Variants in EXOSC10 observed in about 807,000 individuals in gnomAD.
EXOSC10 encodes the protein exosome complex component 10.
Under a neutral mutation model 126.6 loss-of-function variants are expected in EXOSC10, and 94 were observed. The ratio of observed to expected loss-of-function variants is 0.74; its 90% CI spans 0.63 to 0.88. EXOSC10 has a LOEUF of 0.88. Among genes scored for constraint, EXOSC10 ranks in the 40% least tolerant of loss-of-function variants. EXOSC10 has a pLI of 0.00. For synonymous variants in EXOSC10, 395 were observed against 400.8 expected (o/e 0.99, Z 0.17); for missense variants, 1,041 against 1,100.5 (o/e 0.95, Z 0.77).
chr1:11,094,521 CCT>C (rs1308513096), intron 3 of EXOSC10, among the ~76,000 whole-genome samples: 3 of 151,828 alleles, frequency 2.0e-5, no homozygotes, highest in Non-Finnish European at 2.9e-5. Context: ...CTCCTGAACC[CCT>C]GACCTCAGGT....
chr1:11,073,333 C>T (rs1449386737), intron 19 of EXOSC10, among the ~76,000 whole-genome samples: 2 of 151,962 alleles, frequency 1.3e-5, no homozygotes, highest in East Asian at 3.9e-4. Flanking sequence ...GGGGTTTCAC[C>T]ATGTTAGCCA....
At position 11,082,739 on chromosome 1, in the gene EXOSC10, TAG is replaced by T; in HGVS notation, c.1227_1228del (p.Tyr410LeufsTer13). 6 of 1,614,196 alleles carry T rather than the reference TAG, an allele frequency of 3.7e-6. No individual in the cohort carries two copies. Among genetic ancestry groups the T allele is most frequent in the Non-Finnish European group, 5.1e-6 (6 of 1,180,036 alleles). On this transcript the variant is annotated frameshift_variant, in exon 10 of 25. Coordinates refer to ENST00000376936, the MANE Select transcript of EXOSC10 (RefSeq NM_001001998.3). LOFTEE classifies it high-confidence loss of function. ...TTGCTTGTTTGAGTCCACGTTGCAG[TAG>T]AGTTTCAGGAGATGATCGAGTGAGT...
At chr1:11,093,612 T>C (rs370498015) in intron 3 of EXOSC10, among the ~76,000 whole-genome samples, 3 of 152,254 alleles carry the variant, frequency 2.0e-5, no homozygotes, top group Non-Finnish European at 2.9e-5. Flanking sequence ...CGTTCTGCCA[T>C]AGAATTAGGC....
chr1:11,071,100 T>C, intron 20 of EXOSC10, 127 bp from the exon 21 acceptor site: 1 of 749,306 alleles, frequency 1.3e-6, no homozygotes, highest in Non-Finnish European at 2.2e-6. Flanking sequence ...CCCTCTCAGG[T>C]CCCCGGTCCC....
At chr1:11,085,367 G>C (rs919699030) in intron 9 of EXOSC10, among the ~76,000 whole-genome samples, 1 of 152,106 alleles carries the variant, frequency 6.6e-6, no homozygotes, top group African/African-American at 2.4e-5. Flanking sequence ...TGGATTCCTA[G>C]GTATTTCATT....
chr1:11,069,648 T>C lies in EXOSC10; in HGVS notation c.2399A>G (p.Lys800Arg). 6 of 1,614,226 alleles carry C rather than the reference T, an allele frequency of 3.7e-6. No homozygotes were observed. Among genetic ancestry groups the C allele is most frequent in the Non-Finnish European group, 5.1e-6 (6 of 1,180,050 alleles). The change falls in exon 22 of 25, where the codon AAA becomes AGA. Residue 800 changes from lysine to arginine, a missense_variant. Physicochemically the swap from Lys to Arg is conservative, Grantham distance 26. This residue lies in a region of EXOSC10 where 388 missense variants were observed against 415.2 expected (regional missense o/e 0.93). Transcript: ENST00000376936. ...TGGGTCCTTTGGCTTCTTGGAAATT[T>C]TGAGTCGTTTCTTCTCTTGTTTCTG... is the stretch of plus-strand genomic sequence containing the variant. ...TEQKQEKKRL[K>R]ISKKPKDPEP...
intron 3 of EXOSC10, among the ~76,000 whole-genome samples, chr1:11,093,268 ATAAC>A (rs1193955060): frequency 6.6e-6 from 1 of 152,210 alleles, no homozygotes; most frequent in African/African-American, 2.4e-5. Flanking sequence ...GGCCACTAAA[ATAAC>A]TAAGAAGTCC....
Position 11,080,509 on chromosome 1 carries a change from C to A in EXOSC10, c.1627G>T (p.Glu543Ter), listed in dbSNP as rs1217852912. The A allele has an allele frequency of 6.2e-7, 1 of 1,608,794 alleles. No individual in the cohort carries two copies. The highest frequency in any genetic ancestry group is 8.5e-7 in the Non-Finnish European group (1 of 1,178,238). The change falls in exon 13 of 25, where the codon GAA becomes TAA. Residue 543 changes from glutamate to a stop codon, truncating the protein, a stop_gained. Transcript: ENST00000376936. LOFTEE classifies it high-confidence loss of function. Reference protein sequence around the residue: ...PNHMMLKIAEELPKEPQGIIA... With the variant: ...PNHMMLKIAE ...AGATTTGAAACTCACTTAGGCAGTT[C>A]TTCAGCTATTTTCAGCATCATGTGG...
chr1:11,075,640 T>G (rs1639767079), intron 17 of EXOSC10, among the ~76,000 whole-genome samples: 1 of 151,980 alleles, frequency 6.6e-6, no homozygotes, highest in South Asian at 2.1e-4. Context: ...GTAATTAAGT[T>G]AAAAACCAAA....
chr1:11,069,523 C>T, intron 22 of EXOSC10, 36 bp downstream of exon 22: 4 of 1,601,614 alleles, frequency 2.5e-6, no homozygotes, highest in Non-Finnish European at 3.4e-6. Context: ...CTGACGCGCA[C>T]AGATGTCCCT....
At position 11,098,123 on chromosome 1, in the gene EXOSC10, C is replaced by G; in HGVS notation, c.145G>C (p.Ala49Pro). The G allele has an allele frequency of 6.2e-7, 1 of 1,611,424 alleles. No individual in the cohort carries two copies. The highest frequency in any genetic ancestry group is 8.5e-7 in the Non-Finnish European group (1 of 1,179,280). ...ALGSVVAVTK[A>P]SGGLPQFGDE... ...CCAAACTGTGGTAGGCCCCCAGATG[C>G]CTTGGTGACTGCCACCACGGACCCA... The change falls in exon 2 of 25, where the codon GCA becomes CCA. Residue 49 changes from alanine (A) to proline (P), a missense_variant. By Grantham distance (27) the Ala-to-Pro change is conservative. Transcript: ENST00000376936.
At chr1:11,098,234 T>A in intron 1 of EXOSC10, 78 bp from the exon 2 acceptor site, 1 of 1,479,146 alleles carries the variant, frequency 6.8e-7, no homozygotes, top group East Asian at 2.4e-5. Context: ...TGATCTATCG[T>A]ATACAAGGTA....
At position 11,082,791 on chromosome 1, in the gene EXOSC10, C is replaced by G; in HGVS notation, c.1177G>C (p.Ala393Pro). ...VVNMFDTHQA[A>P]RLLNLGRHSL... The stretch of plus-strand genomic sequence containing the variant: ...TGCCTGCCCAGGTTAAGAAGGCGTG[C>G]TGCCTGATGAGTATCAAACATGTTT... The change falls in exon 10 of 25, where the codon GCA becomes CCA. Residue 393 changes from alanine to proline, a missense_variant. Transcript: ENST00000376936. 6.2e-7 allele frequency: 1 copy of G among 1,614,192 alleles called. No homozygotes were observed. The highest frequency in any genetic ancestry group is 1.3e-5 in the African/African-American group (1 of 75,054).
intron 21 of EXOSC10, among the ~76,000 whole-genome samples, chr1:11,070,297 G>A (rs959535897): frequency 6.6e-6 from 1 of 150,598 alleles, no homozygotes; most frequent in South Asian, 2.1e-4. Flanking sequence ...GAAAGGCAGG[G>A]GGCAGGGGTT....
chr1:11,067,851 G>A (rs923198062), intron 24 of EXOSC10, among the ~76,000 whole-genome samples, 157 bp downstream of exon 24: 9 of 151,980 alleles, frequency 5.9e-5, no homozygotes, highest in African/African-American at 9.7e-5. Context: ...CTTGTTTTCC[G>A]AGTGGCGTGA....
intron 3 of EXOSC10, among the ~76,000 whole-genome samples, chr1:11,094,377 C>T (rs1557719265): frequency 6.6e-6 from 1 of 151,656 alleles, no homozygotes; most frequent in Non-Finnish European, 1.5e-5. Context: ...TCACTGCAAC[C>T]TCTGCCTCAC....
chr1:11,082,013 C>G (rs1375158483), intron 10 of EXOSC10, among the ~76,000 whole-genome samples: 1 of 150,186 alleles, frequency 6.7e-6, no homozygotes, highest in Non-Finnish European at 1.5e-5. Flanking sequence ...ACCCGGGAGG[C>G]AGAGGTTGTG....
intron 9 of EXOSC10, among the ~76,000 whole-genome samples, chr1:11,086,533 G>C (rs146752209): frequency 1.3e-5 from 2 of 151,788 alleles, no homozygotes; most frequent in Non-Finnish European, 2.9e-5. Context: ...TCTTGCTAGC[G>C]GTCTATCAAT....
intron 24 of EXOSC10, 83 bp downstream of exon 24, chr1:11,067,925 C>T: frequency 8.2e-7 from 1 of 1,217,926 alleles, no homozygotes; most frequent in Non-Finnish European, 1.2e-6. Flanking sequence ...ACTCGCTCCC[C>T]AGCTACTCCC....
Sources: allele counts gnomAD v4.1 joint callset (sites outside exome capture counted in the v4.1 genomes callset), GRCh38; gene constraint gnomAD v4.1.1; regional missense constraint gnomAD v4.1.1; transcripts MANE v1.5; gene names NCBI Gene and HGNC (gene_info 2026-07-23, HGNC 2026-07-21).